Variants in TXK observed in about 807,000 individuals in gnomAD.
The protein encoded by TXK is TXK tyrosine kinase.
In TXK, 60 loss-of-function variants were observed where a neutral mutation model predicts 81.0. That is an observed-to-expected ratio of 0.74 (90% CI 0.60 to 0.92). The LOEUF (loss-of-function observed/expected upper bound fraction) is 0.92. Among genes scored for constraint, TXK ranks in the 40% least tolerant of loss-of-function variants. The pLI is 0.00. For synonymous variants in TXK, 203 were observed against 210.7 expected, an observed-to-expected ratio of 0.96 and a Z score of 0.32; for missense variants, 581 against 638.3, an observed-to-expected ratio of 0.91 and a Z score of 0.97.
chr4:48,133,002 T>C (rs377111834), intron 1 of TXK, among the ~76,000 whole-genome samples: 6 of 152,120 alleles, frequency 3.9e-5, no homozygotes, highest in African/African-American at 1.2e-4. Context: ...TATGAGTTTC[T>C]GGCAAGATTT....
chr4:48,097,270 T>C (rs567841993), intron 6 of TXK, among the ~76,000 whole-genome samples: 2 of 152,272 alleles, frequency 1.3e-5, no homozygotes, highest in Admixed American at 6.5e-5. Flanking sequence ...TTAAGGAATT[T>C]ACTTGATTCT....
chr4:48,130,513 A>C (rs1021226486), intron 1 of TXK, among the ~76,000 whole-genome samples: 2 of 152,182 alleles, frequency 1.3e-5, no homozygotes, highest in Non-Finnish European at 2.9e-5. Context: ...AGAAAGCCCG[A>C]GATCGCAGGA....
intron 10 of TXK, among the ~76,000 whole-genome samples, chr4:48,082,693 C>T (rs1384568309): frequency 6.6e-6 from 1 of 152,144 alleles, no homozygotes; most frequent in Non-Finnish European, 1.5e-5. Flanking sequence ...CCAAAAGTTG[C>T]TTTTTGGCCC....
intron 5 of TXK, among the ~76,000 whole-genome samples, chr4:48,108,590 T>A (rs572657280): frequency 3.3e-5 from 5 of 152,334 alleles, no homozygotes; most frequent in African/African-American, 1.2e-4. Context: ...CACATAGTGA[T>A]CAATAAATTT....
At chr4:48,070,093 T>C (rs1230967720) in intron 14 of TXK, among the ~76,000 whole-genome samples, 1 of 152,192 alleles carries the variant, frequency 6.6e-6, no homozygotes, top group Admixed American at 6.5e-5. Context: ...ATTCTAGTGT[T>C]TGTGGATTGA....
At chr4:48,121,603 ATCTCT>A (rs1718964171) in intron 1 of TXK, among the ~76,000 whole-genome samples, 4 of 152,314 alleles carry the variant, frequency 2.6e-5, no homozygotes, top group African/African-American at 9.6e-5. Context: ...ACTTTAAATC[ATCTCT>A]GGATTACTTA....
chr4:48,091,088 G>A (rs1202968137), intron 8 of TXK, among the ~76,000 whole-genome samples: 1 of 152,184 alleles, frequency 6.6e-6, no homozygotes, highest in African/African-American at 2.4e-5. Context: ...GAGAAGACAG[G>A]CAGAGAGAGG....
At chr4:48,102,923 T>C (rs1433435822) in intron 6 of TXK, among the ~76,000 whole-genome samples, 1 of 152,122 alleles carries the variant, frequency 6.6e-6, no homozygotes, top group Non-Finnish European at 1.5e-5. Flanking sequence ...TGCCTGCATA[T>C]ATGATCAAAA....
At chr4:48,129,823 T>G (rs1380366419) in intron 1 of TXK, among the ~76,000 whole-genome samples, 1 of 152,174 alleles carries the variant, frequency 6.6e-6, no homozygotes, top group East Asian at 1.9e-4. Context: ...CCTAGAACAC[T>G]GTTTTCTGTG....
intron 2 of TXK, among the ~76,000 whole-genome samples, chr4:48,113,872 T>C (rs1240306237): frequency 6.6e-6 from 1 of 152,232 alleles, no homozygotes; most frequent in South Asian, 2.1e-4. Context: ...ATAAATCTTT[T>C]AGCATAGTAT....
intron 6 of TXK, among the ~76,000 whole-genome samples, chr4:48,104,201 T>C: frequency 2.1e-5 from 1 of 47,850 alleles, no homozygotes; most frequent in Non-Finnish European, 3.6e-5. Context: ...AGAGCATGTC[T>C]CAAAATATAT....
intron 12 of TXK, 64 bp from the exon 13 acceptor site, chr4:48,074,117 C>T (rs2109399197): frequency 1.6e-6 from 2 of 1,281,314 alleles, no homozygotes; most frequent in East Asian, 4.7e-5. Context: ...ACTTCAAATC[C>T]CTTTAGTTAA....
At chr4:48,111,772 C>G (rs189013167) in intron 4 of TXK, among the ~76,000 whole-genome samples, 2 of 152,336 alleles carry the variant, frequency 1.3e-5, no homozygotes, top group Non-Finnish European at 2.9e-5. Context: ...GAATTCTTCT[C>G]AACTCAGGAC....
chr4:48,071,387 T>C (rs1410367491), intron 14 of TXK, 130 bp downstream of exon 14: 5 of 919,832 alleles, frequency 5.4e-6, no homozygotes, highest in Non-Finnish European at 6.6e-6. Flanking sequence ...CTTCAGACTC[T>C]CAGGATCATG....
rs1053196224 is a variant in TXK at position 48,095,182 on chromosome 4, A to G, written c.542T>C (p.Leu181Ser). Reference protein sequence around the residue: ...GAFIVRDSRHLGSYTISVFMG... With the variant: ...GAFIVRDSRHSGSYTISVFMG... The stretch of plus-strand genomic sequence containing the variant: ...AAATACGGAAATTGTGTAGGATCCT[A>G]AATGTCTTGAATCTCTGACAATAAA... Residue 181 changes from leucine (L) to serine (S), a missense_variant, in exon 7 of 15, where the codon TTA becomes TCA. By Grantham distance (145) the Leu-to-Ser change is moderately radical. Transcript: ENST00000264316. 6.8e-6 allele frequency: 11 copies of G among 1,613,840 alleles called. No individual in the cohort carries two copies. The highest frequency in any genetic ancestry group is 9.3e-6 in the Non-Finnish European group (11 of 1,179,888).
At position 48,104,959 on chromosome 4, in the gene TXK, T is replaced by C. The variant is rs772555377; in HGVS notation, c.447-4A>G. The C allele has an allele frequency of 6.3e-7, 1 of 1,575,674 alleles. No individual in the cohort carries two copies. Among genetic ancestry groups the C allele is most frequent in the Non-Finnish European group, 8.6e-7 (1 of 1,161,658 alleles). On this transcript the variant is annotated splice_region_variant and splice_polypyrimidine_tract_variant and intron_variant, in intron 5 of 14. Coordinates refer to ENST00000264316, the MANE Select transcript of TXK (RefSeq NM_003328.3). ...GGTAATGTTTCTATGGTACCACCTG[T>C]AAAAGCAATAAAAATGATTTTTAAA...
intron 13 of TXK, among the ~76,000 whole-genome samples, chr4:48,073,157 T>A (rs1183821662): frequency 6.7e-6 from 1 of 149,474 alleles, no homozygotes; most frequent in Non-Finnish European, 1.5e-5. Context: ...GAACTCCTGG[T>A]CTCAAACAAT....
chr4:48,076,578 G>T, intron 11 of TXK, 112 bp from the exon 12 acceptor site: 2 of 764,368 alleles, frequency 2.6e-6, no homozygotes, highest in Admixed American at 2.7e-5. Context: ...TGTGTGTACC[G>T]CCAAGTCATT....
Position 48,079,938 on chromosome 4 carries a change from T to C in TXK, c.1147A>G (p.Arg383Gly). The C allele has an allele frequency of 6.2e-7, 1 of 1,613,894 alleles. No homozygotes were observed. The highest frequency in any genetic ancestry group is 1.7e-5 in the Admixed American group (1 of 60,014). Residue 383 changes from arginine (R) to glycine (G), a missense_variant, in exon 11 of 15, where the codon AGG becomes GGG. Arg to Gly is a moderately radical substitution (Grantham distance 125). Transcript: ENST00000264316. The stretch of plus-strand genomic sequence containing the variant: ...AAATCCCTATGAATATAGCCATTCC[T>C]CTCCAGATATTCCATTCCTTCACAT... ...DICEGMEYLE[R>G]NGYIHRDLAA...
Sources: gnomAD v4.1 joint callset for allele counts (sites outside exome capture counted in the v4.1 genomes callset) on GRCh38, gnomAD v4.1.1 for gene constraint, MANE v1.5 for transcripts, NCBI Gene and HGNC (gene_info 2026-07-23, HGNC 2026-07-21) for gene names.